KLHL15: variants seen among roughly 807,000 people sequenced by gnomAD.
KLHL15 encodes kelch like family member 15.
In KLHL15, 1 loss-of-function variant was observed where a neutral mutation model predicts 29.3. That is an observed-to-expected ratio of 0.03 (90% CI 0.01 to 0.16). The LOEUF (loss-of-function observed/expected upper bound fraction) is 0.16. KLHL15 is among the 10% of genes least tolerant of loss of function. KLHL15 has a pLI of 1.00. For synonymous variants in KLHL15, 212 were observed against 184.5 expected, an observed-to-expected ratio of 1.15 and a Z score of -1.21; for missense variants, 215 against 478.5, an observed-to-expected ratio of 0.45 and a Z score of 5.14.
In KLHL15 at chrX:23,987,846, C is replaced by T; in HGVS notation, c.*75G>A. The T allele has an allele frequency of 1.0e-6, 1 of 981,866 alleles. No individual in the cohort carries two copies. The highest frequency in any genetic ancestry group is 1.4e-6 in the Non-Finnish European group (1 of 721,444). 80.9% of individuals were successfully genotyped at this position (981,866 alleles called of 1,213,427 possible). A position where few individuals can be genotyped will look rare whatever the true frequency, so the allele number is the denominator to read the frequency against. ...TGATAGTAAAACTGGTGAGGTTTTT[C>T]TTTATATGTTTTAATTAATTACTCT... is the stretch of plus-strand genomic sequence containing the variant. On this transcript the variant is annotated 3_prime_UTR_variant, in exon 4 of 4. Coordinates refer to ENST00000328046, the MANE Select transcript of KLHL15 (RefSeq NM_030624.3).
At chrX:24,003,153 G>A (rs1050611977) in intron 3 of KLHL15, among the ~76,000 whole-genome samples, 1 of 112,150 alleles carries the variant, frequency 8.9e-6, no homozygotes, top group African/African-American at 3.2e-5. Flanking sequence ...AGATTGGGAA[G>A]CAGCTGCCCT....
At position 24,006,291 on chromosome X, in the gene KLHL15, C is replaced by G. The variant is rs1929445476; in HGVS notation, c.403G>C (p.Glu135Gln). Residue 135 changes from glutamate (E) to glutamine (Q), a missense_variant, in exon 3 of 4, where the codon GAA becomes CAA. Transcript: ENST00000328046. The stretch of plus-strand genomic sequence containing the variant: ...AAATCATCTAAGAGTCTCATAATTT[C>G]TGCACAATTTTCTAGGCAGATCTTC... ...LAKICLENCAEIMRLLDDFGV... is the reference protein window; with the variant it reads ...LAKICLENCAQIMRLLDDFGV... 1 of 1,210,006 alleles carries G rather than the reference C, an allele frequency of 8.3e-7. No individual in the cohort carries two copies. The highest frequency in any genetic ancestry group is 2.2e-5 in the Admixed American group (1 of 45,613).
chrX:23,997,546 C>T (rs939040680), intron 3 of KLHL15, among the ~76,000 whole-genome samples: 3 of 108,120 alleles, frequency 2.8e-5, no homozygotes, highest in African/African-American at 1.0e-4. Context: ...GCCTGGCCAA[C>T]ATGGTAAAAC....
rs1312737606 is a variant in KLHL15, at chrX:24,002,346, A to G, written c.705+3643T>C. ...TTATCTGTTAACATGTGCAAAGACC[A>G]TCAGAGCTAGTAAAAATACATGCCA... On this transcript the variant is annotated intron_variant, in intron 3 of 3. Transcript: ENST00000328046. Among the ~76,000 whole-genome samples the G allele has an allele frequency of 2.7e-5, 3 of 111,803 alleles. No individual in the cohort carries two copies. The East Asian group carries it at 8.4e-4, about 31-fold the overall frequency.
At chrX:23,997,789 CA>C (rs772887433) in intron 3 of KLHL15, among the ~76,000 whole-genome samples, 94 of 66,428 alleles carry the variant, frequency 1.4e-3, no homozygotes, top group African/African-American at 4.6e-3. Flanking sequence ...AAGAAACTAA[CA>C]AGCCTCAGCT....
Position 23,988,889 on chromosome X carries a change from T to G in KLHL15, c.847A>C (p.Thr283Pro). ...TGTCCAATCATTCCTCGAAATACTGTAGTTTGCGGTTTTGCAGAACGGATG... is the reference window on the plus strand; with the variant it reads ...TGTCCAATCATTCCTCGAAATACTGGAGTTTGCGGTTTTGCAGAACGGATG... The part of the protein sequence containing the change: ...SRIRSAKPQT[T>P]VFRGMIGHSM... Residue 283 changes from threonine (T) to proline (P), a missense_variant, in exon 4 of 4, where the codon ACA becomes CCA. Physicochemically the swap from Thr to Pro is conservative, Grantham distance 38. Transcript: ENST00000328046. 8.3e-7 allele frequency: 1 copy of G among 1,211,873 alleles called. No individual in the cohort carries two copies. Among genetic ancestry groups the G allele is most frequent in the Non-Finnish European group, 1.1e-6 (1 of 895,549 alleles).
intron 3 of KLHL15, among the ~76,000 whole-genome samples, chrX:24,001,831 G>T (rs1408620403): frequency 1.8e-4 from 15 of 82,050 alleles, no homozygotes; most frequent in South Asian, 6.6e-4. Context: ...AAAAAAAGAA[G>T]AAGAAAAAAA....
intron 3 of KLHL15, among the ~76,000 whole-genome samples, chrX:23,997,730 CAAAAA>C (rs59857010): frequency 1.2e-4 from 3 of 24,234 alleles, no homozygotes; most frequent in Non-Finnish European, 2.2e-4. Context: ...GACTCTGTCT[CAAAAA>C]AAAAAAAAAA....
chrX:24,010,092 TC>T (rs934141654), intron 2 of KLHL15, among the ~76,000 whole-genome samples: 2 of 109,239 alleles, frequency 1.8e-5, no homozygotes, highest in Admixed American at 9.9e-5. Context: ...AAGTCAAAAC[TC>T]CCTGACCATC....
At chrX:24,012,959 TG>T (rs1929604134) in intron 2 of KLHL15, among the ~76,000 whole-genome samples, 1 of 111,803 alleles carries the variant, frequency 8.9e-6, no homozygotes, top group African/African-American at 3.3e-5. Context: ...TCATTTCATT[TG>T]GAAAGGGAGA....
intron 2 of KLHL15, among the ~76,000 whole-genome samples, chrX:24,014,090 A>T (rs1356618894): frequency 9.9e-6 from 1 of 100,886 alleles, no homozygotes; most frequent in East Asian, 3.1e-4. Flanking sequence ...CATCTCTAAC[A>T]AAATTAAAAA....
chrX:24,005,554 T>TTATA (rs772876728), intron 3 of KLHL15, among the ~76,000 whole-genome samples: 7 of 111,851 alleles, frequency 6.3e-5, no homozygotes, highest in Non-Finnish European at 1.3e-4. Context: ...AGAAACTCTA[T>TTATA]TAATGTATAC....
At chrX:24,017,349 T>C (rs778067394) in intron 2 of KLHL15, among the ~76,000 whole-genome samples, 1 of 111,227 alleles carries the variant, frequency 9.0e-6, no homozygotes, top group Non-Finnish European at 1.9e-5. Flanking sequence ...TTGGTTTCCA[T>C]CCATACATTA....
intron 2 of KLHL15, among the ~76,000 whole-genome samples, chrX:24,012,756 T>C (rs1929600621): frequency 1.8e-5 from 2 of 111,261 alleles, no homozygotes; most frequent in African/African-American, 6.5e-5. Flanking sequence ...TGCCCCCACA[T>C]CAGCTTTTTC....
rs996075892 is a variant in KLHL15, at chrX:23,987,398, G to C, written c.*523C>G. The stretch of plus-strand genomic sequence containing the variant: ...GAAGGCAGCTTAGAAATAGTGTTTT[G>C]AATATAAAAAGTTAATTTTGTAGAA... On this transcript the variant is annotated 3_prime_UTR_variant, in exon 4 of 4. Coordinates refer to ENST00000328046, the MANE Select transcript of KLHL15 (RefSeq NM_030624.3). 8.9e-6 allele frequency: 1 copy of C among 112,243 alleles called. No homozygotes were observed. Among genetic ancestry groups the C allele is most frequent in the Non-Finnish European group, 1.9e-5 (1 of 53,366 alleles). The allele number at this position is 112,243 out of a possible 1,213,427, so 9.3% of individuals were successfully genotyped here.
At chrX:24,020,638 CTTTAA>C (rs1363375608) in intron 2 of KLHL15, among the ~76,000 whole-genome samples, 2 of 111,120 alleles carry the variant, frequency 1.8e-5, no homozygotes, top group Non-Finnish European at 3.8e-5. Context: ...CATCAGAAGA[CTTTAA>C]TTTAATGCTT....
intron 2 of KLHL15, among the ~76,000 whole-genome samples, chrX:24,020,593 T>C (rs1394779239): frequency 9.0e-6 from 1 of 110,587 alleles, no homozygotes; most frequent in Non-Finnish European, 1.9e-5. Context: ...AGAAGCCTTA[T>C]AAGAAAAAAA....
intron 2 of KLHL15, among the ~76,000 whole-genome samples, chrX:24,021,655 A>T (rs1012148872): frequency 3.6e-5 from 4 of 111,711 alleles, no homozygotes; most frequent in African/African-American, 1.3e-4. Context: ...TTTTGTATCC[A>T]TCCCCGACTT....
At chrX:24,004,929 A>G (rs1409074494) in intron 3 of KLHL15, among the ~76,000 whole-genome samples, 1 of 111,800 alleles carries the variant, frequency 8.9e-6, no homozygotes, top group Admixed American at 9.6e-5. Flanking sequence ...GGAAAAAAAA[A>G]TATGTCAGGC....
Sources: gnomAD v4.1 joint callset for allele counts (sites outside exome capture counted in the v4.1 genomes callset) on GRCh38, gnomAD v4.1.1 for gene constraint, MANE v1.5 for transcripts, NCBI Gene and HGNC (gene_info 2026-07-23, HGNC 2026-07-21) for gene names.